Variants in GABRG3 observed in about 807,000 individuals in gnomAD.
The protein encoded by GABRG3 is gamma-aminobutyric acid type A receptor subunit gamma3, also known as gamma-aminobutyric acid receptor subunit gamma-3.
Under a neutral mutation model 48.8 loss-of-function variants are expected in GABRG3, and 25 were observed. The observed-to-expected ratio is 0.51, with a 90% CI of 0.37 to 0.72. The LOEUF is 0.72. GABRG3 is among the 30% of genes least tolerant of loss of function. GABRG3 has a pLI of 0.00. For missense variants in GABRG3, 394 were observed against 577.9 expected (o/e 0.68, Z 3.26); for synonymous variants, 227 against 217.6 (o/e 1.04, Z -0.38).
At position 27,042,440 on chromosome 15, in the gene GABRG3, C is replaced by T. The variant is rs536462741; in HGVS notation, c.270+15619C>T. Among the ~76,000 whole-genome samples the T allele has an allele frequency of 5.3e-5, 8 of 152,344 alleles. No homozygotes were observed. The South Asian group carries it at 1.0e-3, about 20-fold the overall frequency. On this transcript the variant is annotated intron_variant, in intron 3 of 9. Transcript: ENST00000615808. The stretch of plus-strand genomic sequence containing the variant: ...TCCCTCTTCCACACTGCTGCCAAGC[C>T]GCCCTCCAGAACGGGCCAAGGGGCC...
At chr15:27,303,744 C>A (rs1892293911) in intron 3 of GABRG3, among the ~76,000 whole-genome samples, 2 of 150,026 alleles carry the variant, frequency 1.3e-5, no homozygotes, top group Non-Finnish European at 3.0e-5. Context: ...ATATATATAT[C>A]CGTGTGTGTA....
At chr15:27,101,214 TC>T (rs1897350727) in intron 3 of GABRG3, among the ~76,000 whole-genome samples, 1 of 152,140 alleles carries the variant, frequency 6.6e-6, no homozygotes, top group Non-Finnish European at 1.5e-5. Context: ...TACAGTTGCT[TC>T]AAAAAATGAA....
intron 3 of GABRG3, among the ~76,000 whole-genome samples, chr15:27,282,641 C>T (rs1164512134): frequency 6.6e-6 from 1 of 152,152 alleles, no homozygotes; most frequent in African/African-American, 2.4e-5. Flanking sequence ...TAACTGCTCA[C>T]TGGAGCAATT....
chr15:27,030,444 C>G (rs1242781240), intron 3 of GABRG3, among the ~76,000 whole-genome samples: 2 of 152,110 alleles, frequency 1.3e-5, no homozygotes, highest in Non-Finnish European at 2.9e-5. Flanking sequence ...TATCCTGGAG[C>G]TGTTTATGCT....
chr15:27,321,937 G>A (rs1893440923), intron 3 of GABRG3, among the ~76,000 whole-genome samples: 1 of 152,270 alleles, frequency 6.6e-6, no homozygotes, highest in Non-Finnish European at 1.5e-5. Context: ...GAGCTCTGCA[G>A]TGACTGAAAC....
intron 3 of GABRG3, among the ~76,000 whole-genome samples, chr15:27,322,251 T>C (rs1220942491): frequency 1.3e-5 from 2 of 152,152 alleles, no homozygotes; most frequent in African/African-American, 4.8e-5. Context: ...CCTCACTCTG[T>C]CTTAAAGTGG....
At chr15:27,364,413 T>C (rs541067416) in intron 5 of GABRG3, 5 of 152,554 alleles carry the variant, frequency 3.3e-5, no homozygotes, top group African/African-American at 1.2e-4. Context: ...TGTTGCCTGA[T>C]AACAAGTGGT....
chr15:27,480,700 G>A lies in GABRG3; in HGVS notation c.625G>A (p.Glu209Lys). The A allele has an allele frequency of 6.2e-7, 1 of 1,612,734 alleles. No individual in the cohort carries two copies. Among genetic ancestry groups the A allele is most frequent in the Non-Finnish European group, 8.5e-7 (1 of 1,179,300 alleles). ...MIYRWRKNSVEAADQKSWRLY... is the reference protein window; with the variant it reads ...MIYRWRKNSVKAADQKSWRLY... ...TTATAGATGGAGAAAAAATTCAGTGGAGGCAGCTGACCAGAAATCATGGCG... is the reference window on the plus strand; with the variant it reads ...TTATAGATGGAGAAAAAATTCAGTGAAGGCAGCTGACCAGAAATCATGGCG... Residue 209 changes from glutamate to lysine, a missense_variant, in exon 6 of 10, where the codon GAG (glutamate) becomes AAG (lysine). Glu to Lys is a moderately conservative substitution (Grantham distance 56, BLOSUM62 1). Transcript: ENST00000615808.
intron 3 of GABRG3, among the ~76,000 whole-genome samples, chr15:27,108,529 C>T (rs1351471252): frequency 6.6e-6 from 1 of 152,130 alleles, no homozygotes; most frequent in Admixed American, 6.6e-5. Flanking sequence ...TTGCATGAGA[C>T]TTGGGAAGAG....
At chr15:27,129,237 G>A (rs1350395803) in intron 3 of GABRG3, among the ~76,000 whole-genome samples, 2 of 151,994 alleles carry the variant, frequency 1.3e-5, no homozygotes, top group African/African-American at 2.4e-5. Flanking sequence ...CTGGTCCCTG[G>A]CAACCACATT....
At chr15:27,214,311 C>T (rs1055650597) in intron 3 of GABRG3, among the ~76,000 whole-genome samples, 2 of 152,186 alleles carry the variant, frequency 1.3e-5, no homozygotes, top group Non-Finnish European at 2.9e-5. Flanking sequence ...AAGGAGATGG[C>T]CATGAGATGC....
At chr15:27,060,141 A>G (rs1243450857) in intron 3 of GABRG3, among the ~76,000 whole-genome samples, 1 of 152,236 alleles carries the variant, frequency 6.6e-6, no homozygotes, top group Admixed American at 6.5e-5. Context: ...TTGGTTTTTA[A>G]CATTTTTGTA....
chr15:27,410,302 T>G (rs1887756877), intron 5 of GABRG3, among the ~76,000 whole-genome samples: 1 of 152,228 alleles, frequency 6.6e-6, no homozygotes, highest in Non-Finnish European at 1.5e-5. Flanking sequence ...TTCAATTTAC[T>G]ATTTTTTAAA....
intron 2 of GABRG3, among the ~76,000 whole-genome samples, chr15:27,019,728 C>T (rs1250010713): frequency 6.6e-6 from 1 of 152,056 alleles, no homozygotes; most frequent in Admixed American, 6.6e-5. Context: ...GATGAGCCCC[C>T]GTTCCCCACC....
Position 27,266,042 on chromosome 15 carries a change from G to A in GABRG3, c.271-60767G>A, listed in dbSNP as rs1359070851. Reference sequence around the variant, plus strand: ...ATTACAGGCATGTGCCACCATGCCTGGCTAATTTTATATTTTTAGAAGAGA... The same window carrying A: ...ATTACAGGCATGTGCCACCATGCCTAGCTAATTTTATATTTTTAGAAGAGA... On this transcript the variant is annotated intron_variant, in intron 3 of 9. Coordinates refer to ENST00000615808, the MANE Select transcript of GABRG3 (RefSeq NM_033223.5). 2.0e-5 allele frequency among the ~76,000 whole-genome samples: 3 copies of A among 151,806 alleles called. No individual in the cohort carries two copies. In the East Asian group the frequency reaches 5.8e-4, roughly 29 times the overall value.
chr15:27,323,302 T>C lies in GABRG3; in HGVS notation c.271-3507T>C, dbSNP rs539414974. 2.6e-4 allele frequency among the ~76,000 whole-genome samples: 40 copies of C among 152,344 alleles called. 1 individual carries two copies. The highest frequency in any genetic ancestry group is 8.2e-4 in the African/African-American group (34 of 41,580). ...ACTTAGGTTAAACAAACAAAAAGCT[T>C]TGAACAATTTCAGATTCCAAAATTC... On this transcript the variant is annotated intron_variant, in intron 3 of 9. Transcript: ENST00000615808.
chr15:27,273,254 T>C (rs1238705111), intron 3 of GABRG3, among the ~76,000 whole-genome samples: 2 of 152,196 alleles, frequency 1.3e-5, no homozygotes, highest in African/African-American at 4.8e-5. Flanking sequence ...TCTAATACAT[T>C]TTTCTTTTGG....
chr15:27,376,668 G>A (rs1566812831), intron 5 of GABRG3, among the ~76,000 whole-genome samples: 1 of 152,156 alleles, frequency 6.6e-6, no homozygotes, highest in Non-Finnish European at 1.5e-5. Context: ...GGCTGGAGCA[G>A]CTGGGATGCA....
At chr15:27,137,264 C>T (rs1898026270) in intron 3 of GABRG3, among the ~76,000 whole-genome samples, 2 of 152,148 alleles carry the variant, frequency 1.3e-5, no homozygotes, top group Admixed American at 1.3e-4. Flanking sequence ...CTCTCCTAGT[C>T]CATGGACTCT....
Sources: allele counts gnomAD v4.1 joint callset (sites outside exome capture counted in the v4.1 genomes callset), GRCh38; gene constraint gnomAD v4.1.1; transcripts MANE v1.5; gene names NCBI Gene and HGNC (gene_info 2026-07-23, HGNC 2026-07-21).